Variants in NEDD4 observed in about 807,000 individuals in gnomAD.
NEDD4 encodes NEDD4 E3 ubiquitin protein ligase.
Under a neutral mutation model 144.9 loss-of-function variants are expected in NEDD4, and 99 were observed. The observed-to-expected ratio is 0.68, with a 90% CI of 0.58 to 0.81. The LOEUF is 0.81. Ranked by LOEUF, NEDD4 falls within the 30% of genes least tolerant of loss-of-function variation. The probability of loss-of-function intolerance (pLI) is 0.00; values close to 1 mark genes in which losing one functional copy is unlikely to be tolerated. For synonymous variants in NEDD4, 318 were observed against 350.6 expected, an observed-to-expected ratio of 0.91 and a Z score of 1.04; for missense variants, 985 against 1,065.9, an observed-to-expected ratio of 0.92 and a Z score of 1.06.
intron 5 of NEDD4, chr15:55,915,568 A>G: frequency 6.2e-7 from 1 of 1,614,020 alleles, no homozygotes; most frequent in South Asian, 1.1e-5. Context: ...GATGGCAAAC[A>G]TGCAGATGTC....
chr15:55,924,845 A>C, intron 4 of NEDD4, 146 bp from the exon 5 acceptor site: 1 of 693,882 alleles, frequency 1.4e-6, no homozygotes, highest in Non-Finnish European at 2.5e-6. Context: ...AGGTGGGTGG[A>C]TCGCCTGATG....
At position 55,869,610 on chromosome 15, in the gene NEDD4, T is replaced by C; in HGVS notation, c.476A>G (p.Asp159Gly). The C allele has an allele frequency of 6.3e-7, 1 of 1,585,762 alleles. No individual in the cohort carries two copies. ...TTCCTCAGCCTGTTCTGCATTATCA[T>C]CTTCTGAGCCACTGGTTTTAGGTAA... Reference protein sequence around the residue: ...TYLPKTSGSEDDNAEQAEELE... With the variant: ...TYLPKTSGSEGDNAEQAEELE... Residue 159 changes from aspartate to glycine, a missense_variant, in exon 8 of 29, where the codon GAT becomes GGT. Transcript: ENST00000435532.
Position 55,966,553 on chromosome 15 carries a change from T to C in NEDD4, c.46-7A>G, listed in dbSNP as rs1472573015. On this transcript the variant is annotated splice_region_variant and splice_polypyrimidine_tract_variant and intron_variant, in intron 1 of 28. Coordinates refer to ENST00000435532, the MANE Select transcript of NEDD4 (RefSeq NM_006154.4). ...TCACAATTCGTGAATTTTCCTAAAA[T>C]ACAAAAATTTAGATTTCATTTTCAT... 7.3e-6 allele frequency: 11 copies of C among 1,498,508 alleles called. No homozygotes were observed. The highest frequency in any genetic ancestry group is 8.0e-6 in the Non-Finnish European group (9 of 1,120,622). The allele number at this position is 1,498,508 out of a possible 1,614,324, so 92.8% of individuals were successfully genotyped here. A position where few individuals can be genotyped will look rare whatever the true frequency, so the allele number is the denominator to read the frequency against.
At chr15:55,981,358 C>A (rs2037800938) in intron 1 of NEDD4, among the ~76,000 whole-genome samples, 1 of 139,628 alleles carries the variant, frequency 7.2e-6, no homozygotes, top group Non-Finnish European at 1.6e-5. Flanking sequence ...AGCCACCACG[C>A]CCGGCCTCCT....
chr15:55,839,988 AAAAAAAAAAAAATATATATATATATAT>A (rs2033399075), intron 21 of NEDD4, among the ~76,000 whole-genome samples: 2 of 52,358 alleles, frequency 3.8e-5, no homozygotes, highest in South Asian at 8.1e-4. Context: ...AAAAAAAAAA[AAAAAAAAAAAAATATATATATATATAT>A]ATATATATAT....
chr15:55,952,552 C>T (rs1033892732), intron 2 of NEDD4: 1 of 152,104 alleles, frequency 6.6e-6, no homozygotes, highest in Admixed American at 6.6e-5. Context: ...ACTATCCTTC[C>T]CCCAACTCCA....
intron 5 of NEDD4, among the ~76,000 whole-genome samples, chr15:55,892,717 T>C (rs1422123868): frequency 6.6e-6 from 1 of 152,196 alleles, no homozygotes; most frequent in African/African-American, 2.4e-5. Context: ...TTTGTGCCTA[T>C]CCATCCCTTT....
At chr15:55,849,784 T>G (rs1277041684) in intron 14 of NEDD4, among the ~76,000 whole-genome samples, 1 of 151,128 alleles carries the variant, frequency 6.6e-6, no homozygotes, top group Admixed American at 6.6e-5. Flanking sequence ...GCTGCTAATT[T>G]TAAGTAATTT....
chr15:55,833,559 G>A (rs767492305), intron 26 of NEDD4, among the ~76,000 whole-genome samples: 3 of 152,208 alleles, frequency 2.0e-5, no homozygotes, highest in Non-Finnish European at 4.4e-5. Context: ...TACTCGGGAA[G>A]CTGAGGCAAG....
chr15:55,980,710 G>A (rs2037783659), intron 1 of NEDD4, among the ~76,000 whole-genome samples: 1 of 152,160 alleles, frequency 6.6e-6, no homozygotes, highest in African/African-American at 2.4e-5. Context: ...CAGTCCAGAT[G>A]GAATGCAACA....
intron 1 of NEDD4, among the ~76,000 whole-genome samples, chr15:55,975,420 C>A (rs2037683085): frequency 6.6e-6 from 1 of 152,072 alleles, no homozygotes; most frequent in Admixed American, 6.5e-5. Context: ...CACAAAAAAT[C>A]AGTAGCATTT....
At chr15:55,983,640 G>C (rs35911067) in intron 1 of NEDD4, among the ~76,000 whole-genome samples, 9,193 of 145,320 alleles carry the variant, frequency 0.063, 370 homozygotes, top group East Asian at 0.16. Flanking sequence ...GAGACAGAGT[G>C]TTCTTCTGTT....
chr15:55,914,890 T>G (rs914801249), intron 5 of NEDD4, among the ~76,000 whole-genome samples: 7 of 152,032 alleles, frequency 4.6e-5, no homozygotes, highest in African/African-American at 1.7e-4. Flanking sequence ...AAATGATCAT[T>G]TGAAAATAGG....
chr15:55,946,920 C>T (rs1202157559), intron 4 of NEDD4, among the ~76,000 whole-genome samples: 1 of 152,054 alleles, frequency 6.6e-6, no homozygotes, highest in Non-Finnish European at 1.5e-5. Context: ...GGGTACATAA[C>T]GAAATGAAGG....
chr15:55,929,239 C>T (rs1486856130), intron 4 of NEDD4, among the ~76,000 whole-genome samples: 3 of 152,150 alleles, frequency 2.0e-5, no homozygotes, highest in Non-Finnish European at 2.9e-5. Flanking sequence ...TGCACGAGCA[C>T]GCACGCACAC....
Position 55,833,109 on chromosome 15 carries a change from A to G in NEDD4, c.2431-5T>C, listed in dbSNP as rs199535782. 1,804 of 1,591,998 alleles carry G rather than the reference A, an allele frequency of 1.1e-3. 3 individuals are homozygous for G. The highest frequency in any genetic ancestry group is 1.5e-3 in the Non-Finnish European group (1,732 of 1,161,836). ...TGAATCCATCATTAAAACAGCCTGA[A>G]TAAGATAAAAACATCATTTAGGGAA... On this transcript the variant is annotated splice_polypyrimidine_tract_variant and splice_region_variant and intron_variant, in intron 26 of 28. Transcript: ENST00000435532.
At chr15:55,912,428 T>C (rs2036303822) in intron 5 of NEDD4, among the ~76,000 whole-genome samples, 1 of 152,006 alleles carries the variant, frequency 6.6e-6, no homozygotes, top group African/African-American at 2.4e-5. Flanking sequence ...AAGTTACATA[T>C]AATGAACAAA....
At chr15:55,907,150 G>A (rs1004651849) in intron 5 of NEDD4, among the ~76,000 whole-genome samples, 1 of 151,192 alleles carries the variant, frequency 6.6e-6, no homozygotes, top group Admixed American at 6.6e-5. Flanking sequence ...AAAGAAAGGG[G>A]GAAACTTGGA....
intron 5 of NEDD4, among the ~76,000 whole-genome samples, chr15:55,883,515 C>T (rs1330954877): frequency 6.6e-6 from 1 of 151,974 alleles, no homozygotes; most frequent in Non-Finnish European, 1.5e-5. Context: ...GATTGTAGAG[C>T]CCTAGGGCCT....
Sources: gnomAD v4.1 joint callset for allele counts (sites outside exome capture counted in the v4.1 genomes callset) on GRCh38, gnomAD v4.1.1 for gene constraint, MANE v1.5 for transcripts, NCBI Gene and HGNC (gene_info 2026-07-23, HGNC 2026-07-21) for gene names.